Variants in HTT observed in about 807,000 individuals in gnomAD.
HTT encodes the protein huntingtin, also known as huntington disease protein.
A neutral mutation model predicts 362.3 loss-of-function variants in HTT; 104 were observed. That is an observed-to-expected ratio of 0.29 (90% CI 0.24 to 0.34). HTT has a LOEUF of 0.34. Ranked by LOEUF, HTT falls within the 10% of genes least tolerant of loss-of-function variation. HTT has a pLI of 1.00. For missense variants in HTT, 3,301 were observed against 3,928.6 expected (o/e 0.84, Z 4.27); for synonymous variants, 1,577 against 1,548.7 (o/e 1.02, Z -0.43).
chr4:3,238,730 G>GCCCC, intron 65 of HTT, 88 bp from the exon 66 acceptor site: 4 of 1,097,024 alleles, frequency 3.6e-6, no homozygotes, highest in Non-Finnish European at 4.0e-6. Flanking sequence ...AATGCCTCTG[G>GCCCC]CCCCCACCCC....
chr4:3,187,316 C>T (rs925092218), intron 38 of HTT, among the ~76,000 whole-genome samples: 8 of 151,046 alleles, frequency 5.3e-5, no homozygotes, highest in African/African-American at 1.5e-4. Context: ...CCACTGTGCC[C>T]GGCTAATTTT....
intron 8 of HTT, among the ~76,000 whole-genome samples, chr4:3,119,942 A>C (rs1293766729): frequency 6.6e-6 from 1 of 152,204 alleles, no homozygotes; most frequent in Non-Finnish European, 1.5e-5. Flanking sequence ...GCTACTCAAC[A>C]CTACCTTTGT....
rs1560554321 is a variant in HTT at position 3,116,260 on chromosome 4, C to G, written c.1065C>G (p.Val355=). Residue 355 remains valine, a synonymous_variant, in exon 8 of 67, where the codon GTC becomes GTG. Transcript: ENST00000355072. Reference sequence around the variant, plus strand: ...TCTCTCCTTCTGCAGAGCAGCTTGTCCAGGTAGGAGCACAGGGTTTACTCT... The same window carrying G: ...TCTCTCCTTCTGCAGAGCAGCTTGTGCAGGTAGGAGCACAGGGTTTACTCT... ...MEVSPSAEQL[V]QVYELTLHHT... is the part of the protein sequence containing the mutation. 1 of 1,608,268 alleles carries G rather than the reference C, an allele frequency of 6.2e-7. No individual in the cohort carries two copies. The highest frequency in any genetic ancestry group is 2.2e-5 in the East Asian group (1 of 44,702).
At chr4:3,208,609 G>T (rs982250923) in intron 45 of HTT, among the ~76,000 whole-genome samples, 164 bp from the exon 46 acceptor site, 2 of 151,928 alleles carry the variant, frequency 1.3e-5, no homozygotes, top group African/African-American at 4.8e-5. Context: ...GAAGATAGCT[G>T]TGAAGAAAAA....
chr4:3,229,258 G>GCCACACCACATT (rs1721091944), intron 59 of HTT, among the ~76,000 whole-genome samples: 1 of 109,884 alleles, frequency 9.1e-6, no homozygotes, highest in South Asian at 3.0e-4. Flanking sequence ...CACACCACAT[G>GCCACACCACATT]CACCACACAC....
At chr4:3,226,067 G>A (rs979351871) in intron 57 of HTT, among the ~76,000 whole-genome samples, 5 of 152,186 alleles carry the variant, frequency 3.3e-5, no homozygotes. Flanking sequence ...CACAAAAAGG[G>A]GGGTGAGGAC....
At chr4:3,115,936 G>A (rs1714999809) in intron 7 of HTT, 149 bp from the exon 8 acceptor site, 1 of 718,578 alleles carries the variant, frequency 1.4e-6, no homozygotes, top group African/African-American at 1.8e-5. Context: ...TGGGTGTGTA[G>A]CCATTCCCAG....
chr4:3,162,360 G>A (rs1300742488), intron 29 of HTT, among the ~76,000 whole-genome samples: 1 of 152,198 alleles, frequency 6.6e-6, no homozygotes, highest in Non-Finnish European at 1.5e-5. Flanking sequence ...GTAGTGTGAT[G>A]CCTCCAGCTT....
chr4:3,230,154 G>GC (rs1721181223), intron 60 of HTT, 112 bp downstream of exon 60: 1 of 872,484 alleles, frequency 1.1e-6, no homozygotes. Context: ...TCCAAGAGTT[G>GC]ACCCGAACCG....
intron 40 of HTT, among the ~76,000 whole-genome samples, chr4:3,191,028 A>G (rs1718988874): frequency 6.6e-6 from 1 of 152,200 alleles, no homozygotes. Flanking sequence ...TTGATATTAA[A>G]AAGGTTCTCC....
chr4:3,188,185 C>A (rs563041998), intron 39 of HTT: 2 of 258,802 alleles, frequency 7.7e-6, no homozygotes, highest in African/African-American at 2.2e-5. Flanking sequence ...AGTAGGGGCA[C>A]GCTGACGTCA....
intron 8 of HTT, among the ~76,000 whole-genome samples, chr4:3,120,092 C>T (rs1378298793): frequency 1.3e-5 from 2 of 152,096 alleles, no homozygotes; most frequent in East Asian, 3.8e-4. Context: ...AAGTTACCAT[C>T]AGAAGAGCTA....
At chr4:3,217,524 G>T (rs1720469515) in intron 51 of HTT, among the ~76,000 whole-genome samples, 1 of 152,030 alleles carries the variant, frequency 6.6e-6, no homozygotes, top group South Asian at 2.1e-4. Flanking sequence ...GGGCCAGAGG[G>T]CTGGGAACCA....
intron 1 of HTT, among the ~76,000 whole-genome samples, chr4:3,084,690 C>CAA (rs60116935): frequency 0.024 from 2,929 of 122,482 alleles, 53 homozygotes; most frequent in Middle Eastern, 0.043. Flanking sequence ...ACTCCATCTC[C>CAA]AAAAAAAAAA....
chr4:3,085,535 G>C (rs1713164271), intron 1 of HTT, among the ~76,000 whole-genome samples: 1 of 152,182 alleles, frequency 6.6e-6, no homozygotes, highest in African/African-American at 2.4e-5. Context: ...CTTGCTCAGA[G>C]CAAGGTGGTT....
intron 61 of HTT, among the ~76,000 whole-genome samples, chr4:3,234,187 CAGG>C (rs1560606702): frequency 6.6e-6 from 1 of 152,222 alleles, no homozygotes; most frequent in East Asian, 1.9e-4. Flanking sequence ...ACAGTTCAGA[CAGG>C]AGGGAGGTGT....
intron 66 of HTT, 144 bp from the exon 67 acceptor site, chr4:3,239,702 C>T: frequency 4.7e-6 from 3 of 637,272 alleles, no homozygotes; most frequent in Non-Finnish European, 8.2e-6. Context: ...CTGGAGGCAT[C>T]CAGGTGGCCC....
At chr4:3,083,881 C>T (rs1713058166) in intron 1 of HTT, among the ~76,000 whole-genome samples, 1 of 152,170 alleles carries the variant, frequency 6.6e-6, no homozygotes, top group African/African-American at 2.4e-5. Flanking sequence ...GAACTGGAAT[C>T]AGCTCAGATG....
chr4:3,237,753 C>T (rs962225094), intron 64 of HTT, among the ~76,000 whole-genome samples: 3 of 152,228 alleles, frequency 2.0e-5, no homozygotes, highest in Admixed American at 6.5e-5. Flanking sequence ...CAGTTACACA[C>T]GGCTGGCATG....
Sources: gnomAD v4.1 joint callset for allele counts (sites outside exome capture counted in the v4.1 genomes callset) on GRCh38, gnomAD v4.1.1 for gene constraint, MANE v1.5 for transcripts, NCBI Gene and HGNC (gene_info 2026-07-23, HGNC 2026-07-21) for gene names.